The following RBFOX1 variants were observed in gnomAD, a reference collection of about 807,000 sequenced individuals.
The protein encoded by RBFOX1 is RNA binding protein fox-1 homolog 1.
In RBFOX1, 8 loss-of-function variants were observed where a neutral mutation model predicts 57.7. That is an observed-to-expected ratio of 0.14 (90% CI 0.08 to 0.25). The LOEUF is 0.25. Among genes scored for constraint, RBFOX1 ranks in the 10% least tolerant of loss-of-function variants. The pLI, the probability that RBFOX1 is intolerant of heterozygous loss-of-function variation, is 1.00. For missense variants in RBFOX1, 611 were observed against 548.5 expected, an observed-to-expected ratio of 1.11 and a Z score of -1.14; for synonymous variants, 326 against 222.4, an observed-to-expected ratio of 1.47 and a Z score of -4.15.
chr16:7,512,072 T>C (rs1364393448), intron 4 of RBFOX1, among the ~76,000 whole-genome samples: 2 of 150,586 alleles, frequency 1.3e-5, no homozygotes, highest in Admixed American at 1.3e-4. Context: ...TCTGCAGATA[T>C]CAGAAGCTCT....
intron 4 of RBFOX1, among the ~76,000 whole-genome samples, chr16:7,105,126 A>C (rs1367587348): frequency 6.6e-6 from 1 of 152,186 alleles, no homozygotes; most frequent in Non-Finnish European, 1.5e-5. Context: ...TTTAAGCAAA[A>C]GTCTCAGGAC....
At chr16:5,883,698 A>G (rs1456484854) in intron 4 of RBFOX1, among the ~76,000 whole-genome samples, 1 of 152,216 alleles carries the variant, frequency 6.6e-6, no homozygotes, top group Admixed American at 6.5e-5. Context: ...TGTTCTGAGT[A>G]GAACACAAGC....
chr16:5,863,824 G>A (rs1164840550), intron 3 of RBFOX1, among the ~76,000 whole-genome samples: 6 of 152,140 alleles, frequency 3.9e-5, no homozygotes. Flanking sequence ...GTGAATGTTT[G>A]AGAGAGTTCT....
At chr16:7,447,736 G>T (rs1243359932) in intron 4 of RBFOX1, among the ~76,000 whole-genome samples, 1 of 152,238 alleles carries the variant, frequency 6.6e-6, no homozygotes, top group Non-Finnish European at 1.5e-5. Flanking sequence ...AAGCAATTAA[G>T]TATTGATTAA....
At chr16:6,786,504 G>A (rs2081986908) in intron 3 of RBFOX1, among the ~76,000 whole-genome samples, 1 of 152,112 alleles carries the variant, frequency 6.6e-6, no homozygotes, top group Non-Finnish European at 1.5e-5. Context: ...TTAAAAGACT[G>A]TAGCTGTGAA....
chr16:5,995,342 G>C (rs983550876), intron 4 of RBFOX1, among the ~76,000 whole-genome samples: 2 of 152,132 alleles, frequency 1.3e-5, no homozygotes, highest in African/African-American at 4.8e-5. Context: ...TACCTGAATA[G>C]GGCAACTTCT....
rs980148519 is a variant in RBFOX1, at chr16:5,971,214, G to A, written c.351+103879G>A. 6.6e-5 allele frequency among the ~76,000 whole-genome samples: 10 copies of A among 152,300 alleles called. No individual in the cohort carries two copies. In the East Asian group the frequency reaches 1.9e-3, roughly 29 times the overall value. Reference sequence around the variant, plus strand: ...GACTTACTTATTATTTTTCCTCAAGGAATTTATATCACAGTGGTGAGGATG... The same window carrying A: ...GACTTACTTATTATTTTTCCTCAAGAAATTTATATCACAGTGGTGAGGATG... On this transcript the variant is annotated intron_variant, in intron 4 of 19. Transcript: ENST00000641259.
chr16:7,244,247 C>CAAAAAAAAAAAAAAAAAAAAAAAAAA (rs60054791), intron 4 of RBFOX1, among the ~76,000 whole-genome samples: 1 of 99,228 alleles, frequency 1.0e-5, no homozygotes, highest in African/African-American at 3.4e-5. Flanking sequence ...CAAAGTATTC[C>CAAAAAAAAAAAAAAAAAAAAAAAAAA]AAAAAAAAAA....
chr16:7,001,354 G>T (rs950372495), intron 3 of RBFOX1, among the ~76,000 whole-genome samples: 1 of 142,826 alleles, frequency 7.0e-6, no homozygotes, highest in Non-Finnish European at 1.5e-5. Context: ...CTGTGTGTGT[G>T]TGTTTGTGTG....
At chr16:6,697,121 T>A (rs562788917) in intron 3 of RBFOX1, among the ~76,000 whole-genome samples, 261 of 152,314 alleles carry the variant, frequency 1.7e-3, no homozygotes, top group Non-Finnish European at 2.8e-3. Context: ...TCATATGAAT[T>A]GCTTGAAGAT....
chr16:7,206,008 C>G (rs1055227705), intron 4 of RBFOX1, among the ~76,000 whole-genome samples: 1 of 152,230 alleles, frequency 6.6e-6, no homozygotes, highest in Non-Finnish European at 1.5e-5. Context: ...GTTCTGAACA[C>G]AGGTGTGGCT....
chr16:5,756,647 A>G (rs2053407105), intron 3 of RBFOX1, among the ~76,000 whole-genome samples: 1 of 152,160 alleles, frequency 6.6e-6, no homozygotes, highest in Non-Finnish European at 1.5e-5. Flanking sequence ...CTGCCTTTCC[A>G]GCCATCGAAT....
chr16:6,247,303 G>T (rs979274844), intron 1 of RBFOX1, among the ~76,000 whole-genome samples: 1 of 152,156 alleles, frequency 6.6e-6, no homozygotes, highest in African/African-American at 2.4e-5. Flanking sequence ...CAGGACAGTG[G>T]ACAAAGCCTT....
At chr16:6,632,103 G>A (rs2098391947) in intron 2 of RBFOX1, among the ~76,000 whole-genome samples, 2 of 152,136 alleles carry the variant, frequency 1.3e-5, no homozygotes, top group African/African-American at 4.8e-5. Context: ...TGGTTTCTGA[G>A]TCTGTCCCTT....
chr16:6,890,846 T>C (rs116225166), intron 3 of RBFOX1, among the ~76,000 whole-genome samples: 2,026 of 152,278 alleles, frequency 0.013, 47 homozygotes, highest in African/African-American at 0.046. Context: ...AAATAGCACT[T>C]AGCAGACTCA....
intron 4 of RBFOX1, among the ~76,000 whole-genome samples, chr16:5,974,603 C>G (rs1031649675): frequency 6.6e-5 from 10 of 151,990 alleles, no homozygotes; most frequent in Admixed American, 5.9e-4. Flanking sequence ...GAGCGAAAGT[C>G]CATCTCAAAA....
chr16:5,332,095 T>A (rs919671230), intron 1 of RBFOX1, among the ~76,000 whole-genome samples: 1 of 152,200 alleles, frequency 6.6e-6, no homozygotes, highest in African/African-American at 2.4e-5. Flanking sequence ...TTTCTTGTTT[T>A]CCTTCTTATG....
chr16:7,408,854 G>T (rs575397487), intron 4 of RBFOX1, among the ~76,000 whole-genome samples: 1 of 150,504 alleles, frequency 6.6e-6, no homozygotes, highest in South Asian at 2.1e-4. Context: ...GGGGGCAGGG[G>T]GGTGGTTAAC....
chr16:6,933,865 C>T (rs980237128), intron 3 of RBFOX1, among the ~76,000 whole-genome samples: 2 of 152,156 alleles, frequency 1.3e-5, no homozygotes, highest in African/African-American at 4.8e-5. Context: ...ATTGGGATTT[C>T]ATTATTTTGT....
Sources: gnomAD v4.1 joint callset for allele counts (sites outside exome capture counted in the v4.1 genomes callset) on GRCh38, gnomAD v4.1.1 for gene constraint, MANE v1.5 for transcripts, NCBI Gene and HGNC (gene_info 2026-07-23, HGNC 2026-07-21) for gene names.